Variants in PDE8A observed in about 807,000 individuals in gnomAD.
The protein encoded by PDE8A is high affinity cAMP-specific and IBMX-insensitive 3',5'-cyclic phosphodiesterase 8A.
In PDE8A, 59 loss-of-function variants were observed where a neutral mutation model predicts 105.0. That is an observed-to-expected ratio of 0.56 (90% CI 0.46 to 0.70). PDE8A has a LOEUF of 0.70. PDE8A is among the 30% of genes least tolerant of loss of function. PDE8A has a pLI of 0.00. For synonymous variants in PDE8A, 355 were observed against 371.9 expected, an observed-to-expected ratio of 0.95 and a Z score of 0.52; for missense variants, 1,014 against 1,045.9, an observed-to-expected ratio of 0.97 and a Z score of 0.42.
intron 1 of PDE8A, among the ~76,000 whole-genome samples, chr15:85,045,618 G>T (rs998520006): frequency 2.0e-5 from 3 of 152,096 alleles, no homozygotes; most frequent in Non-Finnish European, 4.4e-5. Context: ...AAACTGACTG[G>T]ACCATGTTGT....
At chr15:85,012,378 A>T (rs1026558151) in intron 1 of PDE8A, among the ~76,000 whole-genome samples, 9 of 152,176 alleles carry the variant, frequency 5.9e-5, no homozygotes, top group Non-Finnish European at 1.2e-4. Context: ...ATAAAAAATG[A>T]TGAGTTCATG....
intron 20 of PDE8A, among the ~76,000 whole-genome samples, chr15:85,130,678 T>C (rs1044258500): frequency 1.3e-5 from 2 of 152,220 alleles, no homozygotes; most frequent in African/African-American, 4.8e-5. Flanking sequence ...TTTAGAAGTA[T>C]CTGTTTCTTC....
chr15:85,097,445 A>G (rs1346844543), intron 8 of PDE8A, among the ~76,000 whole-genome samples: 1 of 152,104 alleles, frequency 6.6e-6, no homozygotes, highest in East Asian at 1.9e-4. Flanking sequence ...CCTGGCTGTT[A>G]TCTCATCCTC....
intron 1 of PDE8A, among the ~76,000 whole-genome samples, chr15:85,039,270 A>C (rs1469846231): frequency 1.3e-5 from 2 of 152,200 alleles, no homozygotes; most frequent in East Asian, 3.9e-4. Context: ...TATAGAACAC[A>C]AAGTAAAAAT....
At position 84,993,409 on chromosome 15, in the gene PDE8A, G is replaced by C. The variant is rs554008897; in HGVS notation, c.186+11061G>C. Among the ~76,000 whole-genome samples, 924 of 126,832 alleles carry C rather than the reference G, an allele frequency of 7.3e-3. 10 individuals are homozygous for C. The highest frequency in any genetic ancestry group is 0.017 in the Admixed American group (183 of 10,584). The allele number at this position is 126,832 out of a possible 152,430, so 83.2% of individuals were successfully genotyped here. ...AGTGAGCCGAAATCGCGCCACTGCA[G>C]TCCAGCCTGGGCGACAGAGCGAGAC... On this transcript the variant is annotated intron_variant, in intron 1 of 21. Transcript: ENST00000394553.
At chr15:85,071,645 G>C (rs183344373) in intron 3 of PDE8A, among the ~76,000 whole-genome samples, 2 of 152,336 alleles carry the variant, frequency 1.3e-5, no homozygotes, top group Admixed American at 6.5e-5. Flanking sequence ...CCCGAACTGT[G>C]CTTGTTGATG....
At chr15:85,136,856 CTTTATGCCTGTT>C (rs2082419035) in intron 21 of PDE8A, among the ~76,000 whole-genome samples, 193 bp downstream of exon 21, 1 of 152,156 alleles carries the variant, frequency 6.6e-6, no homozygotes, top group Non-Finnish European at 1.5e-5. Context: ...GCATAGGTGT[CTTTATGCCTGTT>C]TTATAGATGA....
rs553250671 is a variant in PDE8A at position 84,996,403 on chromosome 15, C to G, written c.186+14055C>G. Among the ~76,000 whole-genome samples the G allele has an allele frequency of 9.8e-5, 15 of 152,288 alleles. No individual in the cohort carries two copies. In the South Asian group the frequency reaches 3.1e-3, roughly 32 times the overall value. ...CCCATGTTGTCCAAGTGGTCTTGAA[C>G]TCCTGGGCTCAGAGGATACTCCTGC... On this transcript the variant is annotated intron_variant, in intron 1 of 21. Coordinates refer to ENST00000394553, the MANE Select transcript of PDE8A (RefSeq NM_002605.3).
intron 1 of PDE8A, among the ~76,000 whole-genome samples, chr15:85,035,596 T>C (rs1361601536): frequency 6.6e-6 from 1 of 152,128 alleles, no homozygotes; most frequent in East Asian, 1.9e-4. Flanking sequence ...GTGATTAGTT[T>C]CACTCCTCTG....
At chr15:84,988,925 T>G (rs977476006) in intron 1 of PDE8A, among the ~76,000 whole-genome samples, 1 of 152,256 alleles carries the variant, frequency 6.6e-6, no homozygotes, top group Non-Finnish European at 1.5e-5. Flanking sequence ...TGAAAGGGCT[T>G]TTATTCATGT....
chr15:85,098,313 T>G (rs539518201), intron 9 of PDE8A, among the ~76,000 whole-genome samples: 1 of 152,254 alleles, frequency 6.6e-6, no homozygotes, highest in Non-Finnish European at 1.5e-5. Context: ...AATGTCACTT[T>G]AGTAAGTTGT....
At position 85,040,146 on chromosome 15, in the gene PDE8A, A is replaced by G. The variant is rs548635371; in HGVS notation, c.187-24224A>G. On this transcript the variant is annotated intron_variant, in intron 1 of 21. Transcript: ENST00000394553. Reference sequence around the variant, plus strand: ...TTTGGGGTGATGGATATGTTAAAGAAAAAAAAGAAAAAGAAGCTGAGTGTG... The same window carrying G: ...TTTGGGGTGATGGATATGTTAAAGAGAAAAAAGAAAAAGAAGCTGAGTGTG... Among the ~76,000 whole-genome samples the G allele has an allele frequency of 3.9e-5, 6 of 152,204 alleles. No individual in the cohort carries two copies. The East Asian group carries it at 1.2e-3, about 30-fold the overall frequency.
At chr15:85,098,320 T>G (rs769154584) in intron 9 of PDE8A, among the ~76,000 whole-genome samples, 36 of 152,264 alleles carry the variant, frequency 2.4e-4, no homozygotes, top group Non-Finnish European at 4.4e-5. Flanking sequence ...CTTTAGTAAG[T>G]TGTGTGATAA....
At chr15:85,025,048 A>T (rs1383268235) in intron 1 of PDE8A, among the ~76,000 whole-genome samples, 1 of 152,252 alleles carries the variant, frequency 6.6e-6, no homozygotes, top group Non-Finnish European at 1.5e-5. Context: ...CATGCTGTGT[A>T]TAAATCAGAT....
At chr15:85,061,614 G>C (rs1435597601) in intron 1 of PDE8A, among the ~76,000 whole-genome samples, 1 of 152,110 alleles carries the variant, frequency 6.6e-6, no homozygotes, top group African/African-American at 2.4e-5. Context: ...GTCTCTTTGA[G>C]TTCATCTTAC....
Position 85,089,409 on chromosome 15 carries a change from T to A in PDE8A, c.707T>A (p.Phe236Tyr). 1 of 1,560,764 alleles carries A rather than the reference T, an allele frequency of 6.4e-7. No homozygotes were observed. Among genetic ancestry groups the A allele is most frequent in the Non-Finnish European group, 8.8e-7 (1 of 1,136,974 alleles). Residue 236 changes from phenylalanine to tyrosine, a missense_variant, in exon 7 of 22, where the codon TTT (phenylalanine) becomes TAT (tyrosine). Phe to Tyr is a conservative substitution (Grantham distance 22). Transcript: ENST00000394553. Reference protein sequence around the residue: ...DAIEITSEDRFIQYANPAFET... With the variant: ...DAIEITSEDRYIQYANPAFET... Reference sequence around the variant, plus strand: ...ATTGAAATTACAAGCGAAGACCGTTTTATACAGGTTTGTTATTTTGGAAAT... The same window carrying A: ...ATTGAAATTACAAGCGAAGACCGTTATATACAGGTTTGTTATTTTGGAAAT...
intron 19 of PDE8A, among the ~76,000 whole-genome samples, 189 bp downstream of exon 19, chr15:85,123,382 A>G: frequency 7.2e-6 from 1 of 139,802 alleles, no homozygotes; most frequent in Middle Eastern, 3.4e-3. Flanking sequence ...ACACACACAC[A>G]CACAAAGGGG....
At chr15:85,064,480 G>A (rs1192094708) in intron 2 of PDE8A, 54 bp downstream of exon 2, 11 of 1,170,436 alleles carry the variant, frequency 9.4e-6, no homozygotes, top group East Asian at 9.4e-5. Flanking sequence ...TAAAAAGGGT[G>A]GAGGTGGAGC....
intron 1 of PDE8A, 46 bp from the exon 2 acceptor site, chr15:85,064,324 C>G (rs202146191): frequency 1.9e-5 from 27 of 1,432,218 alleles, no homozygotes; most frequent in Non-Finnish European, 2.5e-5. Flanking sequence ...TTAAGCTTCT[C>G]TTTCTCCGTT....
Sources: gnomAD v4.1 joint callset for allele counts (sites outside exome capture counted in the v4.1 genomes callset) on GRCh38, gnomAD v4.1.1 for gene constraint, MANE v1.5 for transcripts, NCBI Gene and HGNC (gene_info 2026-07-23, HGNC 2026-07-21) for gene names.